The following TCF7L2 variants were observed in gnomAD, a reference collection of about 807,000 sequenced individuals.
TCF7L2 encodes the protein transcription factor 7-like 2.
In TCF7L2, 23 loss-of-function variants were observed where a neutral mutation model predicts 77.9. The observed-to-expected ratio is 0.30, with a 90% CI of 0.21 to 0.42. TCF7L2 has a LOEUF of 0.42. Ranked by LOEUF, TCF7L2 falls within the 10% of genes least tolerant of loss-of-function variation. The pLI, the probability that TCF7L2 is intolerant of heterozygous loss-of-function variation, is 1.00. For synonymous variants in TCF7L2, 413 were observed against 340.2 expected (o/e 1.21, Z -2.36); for missense variants, 654 against 793.1 (o/e 0.82, Z 2.11).
chr10:113,051,262 C>T (rs999778220), intron 5 of TCF7L2, among the ~76,000 whole-genome samples: 15 of 151,540 alleles, frequency 9.9e-5, no homozygotes, highest in Non-Finnish European at 1.3e-4. Flanking sequence ...CATATGCACA[C>T]ACCCCGACTC....
chr10:112,966,184 T>TTTTATATATATATATATATATATA (rs1554876896), intron 4 of TCF7L2, among the ~76,000 whole-genome samples: 7 of 114,232 alleles, frequency 6.1e-5, no homozygotes, highest in African/African-American at 3.3e-4. Flanking sequence ...TAAAATATAT[T>TTTTATATATATATATATATATATA]TATATATATA....
At chr10:113,032,809 G>T (rs2050476154) in intron 4 of TCF7L2, among the ~76,000 whole-genome samples, 1 of 152,120 alleles carries the variant, frequency 6.6e-6, no homozygotes, top group African/African-American at 2.4e-5. Context: ...ATTTTGTAGG[G>T]TTATTGTGGA....
At chr10:112,963,430 T>C (rs1208144129) in intron 3 of TCF7L2, among the ~76,000 whole-genome samples, 1 of 152,202 alleles carries the variant, frequency 6.6e-6, no homozygotes, top group African/African-American at 2.4e-5. Flanking sequence ...GTAGTAGTAA[T>C]AGCACAGGAG....
chr10:113,039,217 G>A (rs2051964829), intron 4 of TCF7L2, among the ~76,000 whole-genome samples: 1 of 152,172 alleles, frequency 6.6e-6, no homozygotes, highest in South Asian at 2.1e-4. Flanking sequence ...GAGGAACTGG[G>A]TCAACTCATC....
At chr10:113,107,602 G>T (rs1237746359) in intron 5 of TCF7L2, among the ~76,000 whole-genome samples, 1 of 151,584 alleles carries the variant, frequency 6.6e-6, no homozygotes, top group Non-Finnish European at 1.5e-5. Context: ...AATTAGCCGG[G>T]CGTGGTGGCG....
chr10:113,048,671 G>A (rs1288265157), intron 5 of TCF7L2, among the ~76,000 whole-genome samples: 1 of 152,206 alleles, frequency 6.6e-6, no homozygotes, highest in African/African-American at 2.4e-5. Flanking sequence ...AGTGGAGCGT[G>A]TCTAATTGCC....
intron 13 of TCF7L2, chr10:113,161,472 G>A (rs957085345): frequency 1.6e-6 from 2 of 1,234,970 alleles, no homozygotes; most frequent in Non-Finnish European, 2.3e-6. Flanking sequence ...GGAAAGTGTA[G>A]GTACTTCCTT....
intron 5 of TCF7L2, among the ~76,000 whole-genome samples, chr10:113,116,759 A>C (rs1318389401): frequency 6.6e-6 from 1 of 151,542 alleles, no homozygotes; most frequent in Non-Finnish European, 1.5e-5. Flanking sequence ...ATAGATTTTA[A>C]ATCATACATT....
chr10:113,110,588 A>G (rs558409354), intron 5 of TCF7L2, among the ~76,000 whole-genome samples: 95 of 152,324 alleles, frequency 6.2e-4, no homozygotes, highest in African/African-American at 2.2e-3. Context: ...ATTATAGTGA[A>G]GGACAATGTC....
chr10:113,058,117 G>A (rs973322373), intron 5 of TCF7L2, among the ~76,000 whole-genome samples: 67 of 152,272 alleles, frequency 4.4e-4, no homozygotes, highest in African/African-American at 1.6e-3. Context: ...AGAAGGTGGT[G>A]GCTATAAATG....
At chr10:113,130,361 G>A (rs2066388631) in intron 5 of TCF7L2, among the ~76,000 whole-genome samples, 1 of 152,204 alleles carries the variant, frequency 6.6e-6, no homozygotes, top group African/African-American at 2.4e-5. Flanking sequence ...TCACCCACCA[G>A]GGTGGGCTCC....
Position 113,144,098 on chromosome 10 carries a change from GTC to G in TCF7L2, c.788+75_788+76del, listed in dbSNP as rs1209051454. ...TGTTTATTATTTATTCTGTGTGTGT[GTC>G]TGTGTGTGTGTGTGTGTGTGTGTGT... On this transcript the variant is annotated intron_variant, in intron 7 of 13. Coordinates refer to ENST00000627217, the MANE Select transcript of TCF7L2 (RefSeq NM_001146274.2). The G allele has an allele frequency of 1.0e-4, 85 of 817,702 alleles. 1 individual carries two copies. Among genetic ancestry groups the G allele is most frequent in the African/African-American group, 1.0e-3 (43 of 42,778 alleles). The allele number at this position is 817,702 out of a possible 1,614,324, so 50.7% of individuals were successfully genotyped here.
At chr10:113,007,678 G>A (rs1336437633) in intron 4 of TCF7L2, among the ~76,000 whole-genome samples, 2 of 152,188 alleles carry the variant, frequency 1.3e-5, no homozygotes, top group African/African-American at 2.4e-5. Flanking sequence ...AATGAATTCA[G>A]GCTGTAGTCA....
At position 113,038,730 on chromosome 10, in the gene TCF7L2, AGT is replaced by A. The variant is rs1314785137; in HGVS notation, c.451-1294_451-1293del. Among the ~76,000 whole-genome samples, 30 of 151,950 alleles carry A rather than the reference AGT, an allele frequency of 2.0e-4. No homozygotes were observed. The South Asian group carries it at 2.1e-3, about 11-fold the overall frequency. ...TTTCTTGGCATTTCCTGAGTCCCTG[AGT>A]CTCTGTCACAGTGTCACCATGTTCT... On this transcript the variant is annotated intron_variant, in intron 4 of 13. Transcript: ENST00000627217.
chr10:113,061,312 C>G (rs910814491), intron 5 of TCF7L2, among the ~76,000 whole-genome samples: 2 of 152,122 alleles, frequency 1.3e-5, no homozygotes, highest in African/African-American at 4.8e-5. Flanking sequence ...GTTCTCTGTG[C>G]CTCGCTGGGA....
At chr10:113,005,409 T>C (rs2045361646) in intron 4 of TCF7L2, among the ~76,000 whole-genome samples, 1 of 152,180 alleles carries the variant, frequency 6.6e-6, no homozygotes, top group African/African-American at 2.4e-5. Context: ...TTTCTCACTG[T>C]AGGCAGGGAG....
At chr10:113,120,542 G>T (rs2064604211) in intron 5 of TCF7L2, among the ~76,000 whole-genome samples, 2 of 152,174 alleles carry the variant, frequency 1.3e-5, no homozygotes, top group African/African-American at 2.4e-5. Context: ...GAGGAGGAAG[G>T]ACTATTCTTT....
intron 4 of TCF7L2, among the ~76,000 whole-genome samples, chr10:112,976,200 G>A (rs989488875): frequency 2.0e-5 from 3 of 152,186 alleles, no homozygotes; most frequent in South Asian, 2.1e-4. Flanking sequence ...ACAGGGAAGC[G>A]TGCTTGATAA....
At chr10:113,043,263 C>T (rs1377051571) in intron 5 of TCF7L2, among the ~76,000 whole-genome samples, 2 of 152,174 alleles carry the variant, frequency 1.3e-5, no homozygotes, top group Admixed American at 6.5e-5. Flanking sequence ...GAATTCAGAG[C>T]ATTTTGTTGG....
Sources: allele counts gnomAD v4.1 joint callset (sites outside exome capture counted in the v4.1 genomes callset), GRCh38; gene constraint gnomAD v4.1.1; transcripts MANE v1.5; gene names NCBI Gene and HGNC (gene_info 2026-07-23, HGNC 2026-07-21).